Variants in CCDC33 observed in about 807,000 individuals in gnomAD.
The protein encoded by CCDC33 is coiled-coil domain-containing protein 33.
CCDC33 carries 94 observed loss-of-function variants against 91.9 expected under a neutral mutation model. The observed-to-expected ratio is 1.02, with a 90% CI of 0.87 to 1.21. CCDC33 has a LOEUF of 1.21. Ranked by LOEUF, CCDC33 falls within the 50% of genes most tolerant of loss-of-function variation. The probability of loss-of-function intolerance (pLI) is 0.00; values close to 1 mark genes in which losing one functional copy is unlikely to be tolerated. For missense variants in CCDC33, 940 were observed against 935.5 expected, an observed-to-expected ratio of 1.00 and a Z score of -0.06; for synonymous variants, 396 against 374.5, an observed-to-expected ratio of 1.06 and a Z score of -0.66.
intron 2 of CCDC33, among the ~76,000 whole-genome samples, chr15:74,250,661 C>A (rs185611575): frequency 1.3e-5 from 2 of 152,338 alleles, no homozygotes; most frequent in Admixed American, 1.3e-4. Context: ...CCACTGTGCC[C>A]CACTAGTTCC....
chr15:74,272,167 G>C (rs556067713), intron 6 of CCDC33, among the ~76,000 whole-genome samples: 1 of 152,182 alleles, frequency 6.6e-6, no homozygotes, highest in Admixed American at 6.5e-5. Context: ...CTGCCTCCCT[G>C]CCTCACACCC....
At chr15:74,330,136 GA>G in intron 11 of CCDC33, 52 bp from the exon 12 acceptor site, 2 of 1,523,482 alleles carry the variant, frequency 1.3e-6, no homozygotes, top group Non-Finnish European at 1.8e-6. Flanking sequence ...GTGGATGTGG[GA>G]CCAGGGTTGC....
At chr15:74,279,864 T>C (rs2076545690) in intron 7 of CCDC33, 99 bp from the exon 8 acceptor site, 5 of 1,485,376 alleles carry the variant, frequency 3.4e-6, no homozygotes, top group South Asian at 1.3e-5. Context: ...GGGAGAAACA[T>C]TTGTGACAAA....
In CCDC33 at chr15:74,318,454, C is replaced by T. The variant is rs2060137390; in HGVS notation, c.1291-11735C>T. 9.0e-6 allele frequency: 5 copies of T among 554,386 alleles called. 1 individual carries two copies. The South Asian group carries it at 1.0e-4, about 11-fold the overall frequency. The allele number at this position is 554,386 out of a possible 1,614,324, so 34.3% of individuals were successfully genotyped here. A position where few individuals can be genotyped will look rare whatever the true frequency, so the allele number is the denominator to read the frequency against. On this transcript the variant is annotated intron_variant, in intron 11 of 18. Coordinates refer to ENST00000398814, the MANE Select transcript of CCDC33 (RefSeq NM_025055.5). ...GCCACCCCACCCAGACACCCCCCAC[C>T]CTGGAACAAAGGGGAAGTGGCCCCA...
At chr15:74,252,343 C>A (rs2075734733) in intron 2 of CCDC33, among the ~76,000 whole-genome samples, 2 of 152,160 alleles carry the variant, frequency 1.3e-5, no homozygotes, top group African/African-American at 4.8e-5. Flanking sequence ...TGGAGGCTCA[C>A]AATGACTCAC....
chr15:74,209,008 C>T (rs2074325569), intron 1 of CCDC33: 1 of 1,059,976 alleles, frequency 9.4e-7, no homozygotes, highest in Non-Finnish European at 1.1e-6. Flanking sequence ...TCCCCAGCAC[C>T]TGCTTTAAAA....
At chr15:74,272,279 C>A (rs533314103) in intron 6 of CCDC33, among the ~76,000 whole-genome samples, 5 of 152,318 alleles carry the variant, frequency 3.3e-5, no homozygotes, top group African/African-American at 1.2e-4. Flanking sequence ...TTTAGCCCTG[C>A]CGGGCGGAGT....
At chr15:74,223,420 C>T (rs567344336) in intron 2 of CCDC33, among the ~76,000 whole-genome samples, 2 of 152,236 alleles carry the variant, frequency 1.3e-5, no homozygotes, top group East Asian at 1.9e-4. Flanking sequence ...TCCTTTCCTG[C>T]GCTTCACCAA....
At chr15:74,293,359 G>A in intron 10 of CCDC33, among the ~76,000 whole-genome samples, 1 of 152,116 alleles carries the variant, frequency 6.6e-6, no homozygotes, top group East Asian at 1.9e-4. Flanking sequence ...ATGGGAAGGT[G>A]GTCTTTGCCC....
chr15:74,333,326 G>T (rs1166616215), intron 16 of CCDC33: 31 of 1,571,610 alleles, frequency 2.0e-5, no homozygotes, highest in Non-Finnish European at 2.6e-5. Flanking sequence ...CGCACAGGTG[G>T]GTGGCCCAGG....
chr15:74,251,461 C>A (rs2075705635), intron 2 of CCDC33, among the ~76,000 whole-genome samples: 1 of 152,232 alleles, frequency 6.6e-6, no homozygotes, highest in African/African-American at 2.4e-5. Context: ...AGGAGATGGC[C>A]TGTGGGGTTC....
rs942825394 is a variant in CCDC33, at chr15:74,248,907, T to C, written c.185+4759T>C. On this transcript the variant is annotated intron_variant, in intron 2 of 18. Transcript: ENST00000398814. ...TCTCTGACCCTGCATCCAACGGGCA[T>C]CTCATCTTTTGCGATCTCTCAGGTA... 3.9e-5 allele frequency among the ~76,000 whole-genome samples: 6 copies of C among 152,222 alleles called. No individual in the cohort carries two copies. The East Asian group carries it at 1.2e-3, about 29-fold the overall frequency.
At chr15:74,283,668 C>T (rs1239646097) in intron 10 of CCDC33, among the ~76,000 whole-genome samples, 1 of 152,080 alleles carries the variant, frequency 6.6e-6, no homozygotes, top group African/African-American at 2.4e-5. Context: ...ACCCCCTCCC[C>T]CTGGAGGCGG....
rs149207828 is a variant in CCDC33, at chr15:74,238,868, C to T, written c.21+2128C>T. ...AGCAAGAGTGTGGGGTCAGACAGAC[C>T]CAGCTTCCAGTTCCAGCCCTGGCCT... On this transcript the variant is annotated intron_variant, in intron 1 of 18. Coordinates refer to ENST00000398814, the MANE Select transcript of CCDC33 (RefSeq NM_025055.5). 1.3e-3 allele frequency among the ~76,000 whole-genome samples: 192 copies of T among 152,254 alleles called. 1 individual carries two copies. The highest frequency in any genetic ancestry group is 4.2e-3 in the African/African-American group (176 of 41,542).
At chr15:74,241,127 G>A (rs2075334581) in intron 1 of CCDC33, among the ~76,000 whole-genome samples, 2 of 152,172 alleles carry the variant, frequency 1.3e-5, no homozygotes, top group South Asian at 4.1e-4. Flanking sequence ...CAGGAGCATG[G>A]GGGAGAGAAG....
At chr15:74,253,825 G>A (rs2075783347) in intron 2 of CCDC33, among the ~76,000 whole-genome samples, 1 of 152,094 alleles carries the variant, frequency 6.6e-6, no homozygotes, top group South Asian at 2.1e-4. Context: ...ATCTCTACAT[G>A]GAAGAATGAG....
At chr15:74,298,221 G>A (rs2059725976) in intron 11 of CCDC33, among the ~76,000 whole-genome samples, 2 of 152,092 alleles carry the variant, frequency 1.3e-5, no homozygotes, top group Non-Finnish European at 1.5e-5. Context: ...TGCTGGGGTG[G>A]GTTGGGTTGG....
In CCDC33 at chr15:74,252,532, A is replaced by G. The variant is rs563184232; in HGVS notation, c.185+8384A>G. 1.1e-4 allele frequency among the ~76,000 whole-genome samples: 16 copies of G among 152,356 alleles called. No homozygotes were observed. In the South Asian group the frequency reaches 3.3e-3, roughly 32 times the overall value. ...TTACACCCTCTGGTTCTAACGGTGC[A>G]GTCCTGGAAGCAGGCTGCGTTATTC... On this transcript the variant is annotated intron_variant, in intron 2 of 18. Coordinates refer to ENST00000398814, the MANE Select transcript of CCDC33 (RefSeq NM_025055.5).
intron 2 of CCDC33, among the ~76,000 whole-genome samples, chr15:74,245,558 C>T (rs1171163228): frequency 6.6e-6 from 1 of 152,172 alleles, no homozygotes; most frequent in Non-Finnish European, 1.5e-5. Flanking sequence ...GTCACCAATC[C>T]GGCCTGGGCG....
Sources: allele counts gnomAD v4.1 joint callset (sites outside exome capture counted in the v4.1 genomes callset), GRCh38; gene constraint gnomAD v4.1.1; transcripts MANE v1.5; gene names NCBI Gene and HGNC (gene_info 2026-07-23, HGNC 2026-07-21).